Variants in PIK3C2A observed in about 807,000 individuals in gnomAD.
PIK3C2A encodes phosphatidylinositol 4-phosphate 3-kinase C2 domain-containing subunit alpha.
Under a neutral mutation model 204.5 loss-of-function variants are expected in PIK3C2A, and 97 were observed. That is an observed-to-expected ratio of 0.47 (90% confidence interval 0.40 to 0.56). The LOEUF is 0.56. PIK3C2A is among the 20% of genes least tolerant of loss of function. The pLI, the probability that PIK3C2A is intolerant of heterozygous loss-of-function variation, is 0.00. For missense variants in PIK3C2A, 1,735 were observed against 1,969.2 expected, an observed-to-expected ratio of 0.88 and a Z score of 2.25; for synonymous variants, 653 against 664.4, an observed-to-expected ratio of 0.98 and a Z score of 0.26.
chr11:17,207,606 G>C (rs1010384755), intron 1 of PIK3C2A, among the ~76,000 whole-genome samples: 1 of 152,112 alleles, frequency 6.6e-6, no homozygotes, highest in Non-Finnish European at 1.5e-5. Context: ...TGGTGGGGAC[G>C]CGGGCTCCTC....
chr11:17,142,284 T>C (rs776557862), intron 8 of PIK3C2A, among the ~76,000 whole-genome samples: 1 of 152,098 alleles, frequency 6.6e-6, no homozygotes, highest in Non-Finnish European at 1.5e-5. Context: ...TCAATCAGTA[T>C]AGGGATATAC....
Position 17,094,241 on chromosome 11 carries a change from G to A in PIK3C2A, c.4451+20C>T, listed in dbSNP as rs1401206338. 5 of 1,577,794 alleles carry A rather than the reference G, an allele frequency of 3.2e-6. No homozygotes were observed. The South Asian group carries it at 4.5e-5, about 14-fold the overall frequency. On this transcript the variant is annotated intron_variant, in intron 28 of 32. Transcript: ENST00000691414. ...GTTGTTTCCTACAAAAAGGATTAAT[G>A]TACAAGGATGAATACATACCCTGGT...
chr11:17,125,794 C>T (rs112781805), intron 13 of PIK3C2A, among the ~76,000 whole-genome samples: 3 of 151,788 alleles, frequency 2.0e-5, no homozygotes, highest in Non-Finnish European at 2.9e-5. Context: ...GCCACCATAA[C>T]GGGCTAGCTA....
At chr11:17,206,119 G>GA (rs537102822) in intron 1 of PIK3C2A, among the ~76,000 whole-genome samples, 1 of 152,004 alleles carries the variant, frequency 6.6e-6, no homozygotes, top group African/African-American at 2.4e-5. Context: ...GATTCAAACA[G>GA]AAAAAAATTG....
intron 1 of PIK3C2A, among the ~76,000 whole-genome samples, chr11:17,192,615 T>C (rs1315118963): frequency 2.0e-5 from 3 of 152,156 alleles, no homozygotes; most frequent in African/African-American, 7.2e-5. Flanking sequence ...ACCAGCTAAA[T>C]GTTTTATTTT....
At chr11:17,195,992 T>C (rs748973362) in intron 1 of PIK3C2A, among the ~76,000 whole-genome samples, 72 of 151,924 alleles carry the variant, frequency 4.7e-4, no homozygotes, top group Non-Finnish European at 7.8e-4. Flanking sequence ...TGAGCCGAGA[T>C]AGTGCCACTG....
Position 17,169,571 on chromosome 11 carries a change from C to G in PIK3C2A, c.171G>C (p.Leu57Phe), listed in dbSNP as rs1379162024. The change falls in exon 2 of 33, where the codon TTG becomes TTC. Residue 57 changes from leucine to phenylalanine, a missense_variant. Physicochemically the swap from Leu to Phe is conservative, Grantham distance 22. Around this residue, in one of 6 missense-constraint regions of PIK3C2A, gnomAD observed 536 missense variants for 546.7 expected, o/e 0.98. Coordinates refer to ENST00000691414, the MANE Select transcript of PIK3C2A (RefSeq NM_002645.4). ...QVTDNQRGFE[L>F]SSSTRKKAQV... ...GTGCTTTTTTTCTGGTGCTGCTTGA[C>G]AACTCAAAGCCTCTCTGATTGTCAG... 6.2e-7 allele frequency: 1 copy of G among 1,614,136 alleles called. No homozygotes were observed. Among genetic ancestry groups the G allele is most frequent in the East Asian group, 2.2e-5 (1 of 44,876 alleles).
intron 2 of PIK3C2A, among the ~76,000 whole-genome samples, chr11:17,156,496 C>T (rs1850598052): frequency 6.6e-6 from 1 of 152,130 alleles, no homozygotes; most frequent in Non-Finnish European, 1.5e-5. Context: ...AGGTGATCCA[C>T]CTCAGCCTCC....
intron 23 of PIK3C2A, among the ~76,000 whole-genome samples, chr11:17,104,258 C>T (rs536999894): frequency 6.6e-6 from 1 of 152,176 alleles, no homozygotes; most frequent in South Asian, 2.1e-4. Context: ...TTGATGTTTC[C>T]AGTAATAAGA....
chr11:17,114,334 T>C, intron 20 of PIK3C2A, 27 bp downstream of exon 20: 1 of 1,118,964 alleles, frequency 8.9e-7, no homozygotes, highest in Non-Finnish European at 1.4e-6. Flanking sequence ...AAATGTAATA[T>C]GAACTTATAA....
rs950801296 is a variant in PIK3C2A, at chr11:17,092,032, G to A, written c.4606C>T (p.Arg1536Cys). The A allele has an allele frequency of 5.0e-6, 8 of 1,611,252 alleles. No homozygotes were observed. Among genetic ancestry groups the A allele is most frequent in the South Asian group, 2.2e-5 (2 of 91,020 alleles). The change falls in exon 30 of 33, where the codon CGT becomes TGT. Residue 1536 changes from arginine (R) to cysteine (C), a missense_variant. Arg to Cys is a radical substitution (Grantham distance 180). This residue lies in a region of PIK3C2A where 503 missense variants were observed against 669.0 expected (regional missense o/e 0.75). Transcript: ENST00000691414. ...LVCTFFHPLL[R>C]DEKAEGIARS... ...GCTATCCCTTCAGCTTTCTCATCAC[G>A]AAGTAAAGGGTGGAAGAAAGTACAA...
chr11:17,163,034 C>T (rs771681369), intron 2 of PIK3C2A, among the ~76,000 whole-genome samples: 12 of 152,062 alleles, frequency 7.9e-5, no homozygotes, highest in Non-Finnish European at 1.2e-4. Context: ...TGGCCAGGCA[C>T]GGTGGCCACG....
chr11:17,201,418 T>C (rs908559108), intron 1 of PIK3C2A, among the ~76,000 whole-genome samples: 1 of 149,920 alleles, frequency 6.7e-6, no homozygotes, highest in Non-Finnish European at 1.5e-5. Context: ...TCCCAGCTAC[T>C]TGAGAAGCTG....
At chr11:17,190,719 A>G (rs564875509) in intron 1 of PIK3C2A, among the ~76,000 whole-genome samples, 9 of 152,282 alleles carry the variant, frequency 5.9e-5, no homozygotes, top group Admixed American at 3.9e-4. Context: ...TTCAAAATCA[A>G]TAATTAATTA....
chr11:17,102,318 TC>T (rs1234292938), intron 24 of PIK3C2A, among the ~76,000 whole-genome samples: 2 of 152,078 alleles, frequency 1.3e-5, no homozygotes, highest in African/African-American at 4.8e-5. Flanking sequence ...GCGCCTGTAG[TC>T]CCAGCTACTC....
intron 1 of PIK3C2A, among the ~76,000 whole-genome samples, chr11:17,181,696 A>T: frequency 6.9e-6 from 1 of 145,706 alleles, no homozygotes; most frequent in Non-Finnish European, 1.5e-5. Flanking sequence ...ACACACACAA[A>T]CACACACACA....
At chr11:17,118,328 C>T (rs764910414) in intron 18 of PIK3C2A, among the ~76,000 whole-genome samples, 1 of 152,276 alleles carries the variant, frequency 6.6e-6, no homozygotes, top group East Asian at 1.9e-4. Flanking sequence ...TAGCTTCAGC[C>T]TCCCAAAGTG....
intron 8 of PIK3C2A, among the ~76,000 whole-genome samples, chr11:17,139,418 G>A (rs938955107): frequency 2.0e-5 from 3 of 150,932 alleles, no homozygotes; most frequent in Non-Finnish European, 4.4e-5. Flanking sequence ...AGTAGAGACC[G>A]GCTTTCGCCA....
At position 17,168,908 on chromosome 11, in the gene PIK3C2A, C is replaced by T; in HGVS notation, c.834G>A (p.Lys278=). The T allele has an allele frequency of 1.9e-6, 3 of 1,614,026 alleles. No homozygotes were observed. The highest frequency in any genetic ancestry group is 2.5e-6 in the Non-Finnish European group (3 of 1,179,894). Reference sequence around the variant, plus strand: ...ATACCTCCACATTATCCACCTTAGGCTTACTTAGAGGATCCAAGTCTAACC... The same window carrying T: ...ATACCTCCACATTATCCACCTTAGGTTTACTTAGAGGATCCAAGTCTAACC... The part of the protein sequence containing the change: ...FDWLDLDPLS[K]PKVDNVEVLD... The change falls in exon 2 of 33, where the codon AAG becomes AAA. Residue 278 remains lysine (K), a synonymous_variant. Coordinates refer to ENST00000691414, the MANE Select transcript of PIK3C2A (RefSeq NM_002645.4).
Sources: allele counts gnomAD v4.1 joint callset (sites outside exome capture counted in the v4.1 genomes callset), GRCh38; gene constraint gnomAD v4.1.1; regional missense constraint gnomAD v4.1.1; transcripts MANE v1.5; gene names NCBI Gene and HGNC (gene_info 2026-07-23, HGNC 2026-07-21).